Variants in WDR70 observed in about 807,000 individuals in gnomAD.
WDR70 encodes WD repeat domain 70, also known as WD repeat-containing protein 70.
A neutral mutation model predicts 88.6 loss-of-function variants in WDR70; 53 were observed. The ratio of observed to expected loss-of-function variants is 0.60; its 90% CI spans 0.48 to 0.75. The LOEUF (loss-of-function observed/expected upper bound fraction) is 0.75. WDR70 is among the 30% of genes least tolerant of loss of function. The probability of loss-of-function intolerance (pLI) is 0.00; values close to 1 mark genes in which losing one functional copy is unlikely to be tolerated. For synonymous variants in WDR70, 280 were observed against 270.0 expected (o/e 1.04, Z -0.36); for missense variants, 610 against 823.2 (o/e 0.74, Z 3.17).
chr5:37,720,760 G>A (rs1490675303), intron 13 of WDR70, among the ~76,000 whole-genome samples: 4 of 152,152 alleles, frequency 2.6e-5, no homozygotes, highest in African/African-American at 4.8e-5. Context: ...CATGAAATTC[G>A]CTTCAGTGGT....
chr5:37,579,584 A>G (rs896369342), intron 9 of WDR70, among the ~76,000 whole-genome samples: 18 of 20,130 alleles, frequency 8.9e-4, no homozygotes, highest in East Asian at 7.7e-3. Flanking sequence ...CTCTGTCTCA[A>G]AAAAAAAAAA....
chr5:37,586,781 A>G (rs1561912444), intron 9 of WDR70, among the ~76,000 whole-genome samples: 1 of 152,028 alleles, frequency 6.6e-6, no homozygotes, highest in African/African-American at 2.4e-5. Context: ...TGTTTGTTCC[A>G]TGAGGGTCTG....
intron 9 of WDR70, among the ~76,000 whole-genome samples, chr5:37,602,390 C>T (rs1743911223): frequency 6.6e-6 from 1 of 151,886 alleles, no homozygotes; most frequent in East Asian, 1.9e-4. Context: ...AGGCAGATCG[C>T]TTGAGGCCAG....
At chr5:37,679,597 G>T (rs1010186629) in intron 10 of WDR70, among the ~76,000 whole-genome samples, 1 of 152,170 alleles carries the variant, frequency 6.6e-6, no homozygotes, top group African/African-American at 2.4e-5. Flanking sequence ...TGGAAGTTTT[G>T]TCTCAGAGGA....
chr5:37,384,173 C>CTTTT (rs57075180), intron 3 of WDR70, among the ~76,000 whole-genome samples: 19 of 107,876 alleles, frequency 1.8e-4, no homozygotes, highest in Admixed American at 2.2e-4. Flanking sequence ...ACTTTCCCCC[C>CTTTT]TTTTTTTTTT....
intron 10 of WDR70, among the ~76,000 whole-genome samples, chr5:37,631,669 G>C (rs1019602903): frequency 1.6e-4 from 24 of 152,292 alleles, no homozygotes; most frequent in African/African-American, 5.5e-4. Flanking sequence ...TCTGGCTCCA[G>C]GGTCTGTACT....
chr5:37,749,841 C>A (rs2910723), intron 17 of WDR70, among the ~76,000 whole-genome samples: 115,528 of 146,296 alleles, frequency 0.79, 50,418 homozygotes, highest in East Asian at 1. Flanking sequence ...AAAAAAAAAA[C>A]CAAAAACGCA....
chr5:37,699,384 T>G (rs1747079812), intron 11 of WDR70, among the ~76,000 whole-genome samples: 1 of 85,134 alleles, frequency 1.2e-5, no homozygotes, highest in Admixed American at 1.3e-4. Flanking sequence ...TATATATATG[T>G]ATGTGTGTAT....
intron 10 of WDR70, among the ~76,000 whole-genome samples, chr5:37,659,665 C>A (rs1281502154): frequency 1.3e-5 from 2 of 152,108 alleles, no homozygotes; most frequent in Admixed American, 1.3e-4. Flanking sequence ...GATCCAGGTG[C>A]CCCCAGATTT....
chr5:37,679,494 C>T lies in WDR70; in HGVS notation c.1093-18161C>T, dbSNP rs867834428. Among the ~76,000 whole-genome samples the T allele has an allele frequency of 1.2e-4, 18 of 152,332 alleles. No homozygotes were observed. In the Middle Eastern group the frequency reaches 0.01, roughly 86 times the overall value. ...GGTCTGTTGGAGTTTGCTAGAGGTCCACACCAGACCCTGTTTGCCTGGGTA... is the reference window on the plus strand; with the variant it reads ...GGTCTGTTGGAGTTTGCTAGAGGTCTACACCAGACCCTGTTTGCCTGGGTA... On this transcript the variant is annotated intron_variant, in intron 10 of 17. Coordinates refer to ENST00000265107, the MANE Select transcript of WDR70 (RefSeq NM_018034.4).
intron 6 of WDR70, among the ~76,000 whole-genome samples, chr5:37,441,250 G>A (rs1264136435): frequency 6.6e-6 from 1 of 152,062 alleles, no homozygotes; most frequent in African/African-American, 2.4e-5. Context: ...ATTTATTTTT[G>A]TTTTTGATTG....
intron 8 of WDR70, among the ~76,000 whole-genome samples, chr5:37,515,830 G>A (rs1740871253): frequency 6.6e-6 from 1 of 152,148 alleles, no homozygotes; most frequent in African/African-American, 2.4e-5. Context: ...CTGCCTAAGA[G>A]GGAATTATGC....
At chr5:37,745,659 A>G (rs1748616147) in intron 17 of WDR70, among the ~76,000 whole-genome samples, 1 of 152,178 alleles carries the variant, frequency 6.6e-6, no homozygotes, top group African/African-American at 2.4e-5. Flanking sequence ...CTTTAAACCA[A>G]CAAAGATCAA....
intron 8 of WDR70, among the ~76,000 whole-genome samples, chr5:37,499,115 A>ATTTTTTTTTTTTTTTTTTTTTT (rs1561876528): frequency 6.6e-6 from 1 of 150,558 alleles, no homozygotes. Context: ...CATGTTTGTC[A>ATTTTTTTTTTTTTTTTTTTTTT]TTCTTTTTTT....
intron 9 of WDR70, among the ~76,000 whole-genome samples, chr5:37,595,173 C>CT (rs561783510): frequency 1.8e-3 from 267 of 152,240 alleles, no homozygotes; most frequent in African/African-American, 6.2e-3. Flanking sequence ...ACTTCCAACA[C>CT]TATGTTGAAT....
intron 9 of WDR70, among the ~76,000 whole-genome samples, chr5:37,524,074 G>C (rs1741181868): frequency 6.6e-6 from 1 of 152,156 alleles, no homozygotes; most frequent in Non-Finnish European, 1.5e-5. Context: ...TTATCCAGGA[G>C]AACTTCCCCA....
At chr5:37,738,465 T>A (rs1748371854) in intron 17 of WDR70, among the ~76,000 whole-genome samples, 1 of 152,192 alleles carries the variant, frequency 6.6e-6, no homozygotes, top group Non-Finnish European at 1.5e-5. Context: ...GAAAACATTT[T>A]GTTACAGTGA....
intron 10 of WDR70, among the ~76,000 whole-genome samples, chr5:37,626,270 A>G (rs1744662664): frequency 6.6e-6 from 1 of 152,292 alleles, no homozygotes; most frequent in South Asian, 2.1e-4. Context: ...GGCCATTATT[A>G]TATTTAGGTA....
rs949910333 is a variant in WDR70 at position 37,442,537 on chromosome 5, G to T, written c.553-702G>T. 1.3e-3 allele frequency among the ~76,000 whole-genome samples: 193 copies of T among 152,014 alleles called. 3 individuals are homozygous for T. Among genetic ancestry groups the T allele is most frequent in the Non-Finnish European group, 6.2e-4 (42 of 68,008 alleles). ...GGGGTTTCTCCATGTTGGCCAGGCTGGTCTCAAACTCCTGACCTCAAGTGA... is the reference window on the plus strand; with the variant it reads ...GGGGTTTCTCCATGTTGGCCAGGCTTGTCTCAAACTCCTGACCTCAAGTGA... On this transcript the variant is annotated intron_variant, in intron 6 of 17. Coordinates refer to ENST00000265107, the MANE Select transcript of WDR70 (RefSeq NM_018034.4).
Sources: allele counts gnomAD v4.1 joint callset (sites outside exome capture counted in the v4.1 genomes callset), GRCh38; gene constraint gnomAD v4.1.1; transcripts MANE v1.5; gene names NCBI Gene and HGNC (gene_info 2026-07-23, HGNC 2026-07-21).